TMEFF1: variants seen among roughly 807,000 people sequenced by gnomAD.
TMEFF1 encodes the protein transmembrane protein with EGF like and two follistatin like domains 1, also known as tomoregulin-1.
A neutral mutation model predicts 47.5 loss-of-function variants in TMEFF1; 20 were observed. The ratio of observed to expected loss-of-function variants is 0.42; its 90% CI spans 0.30 to 0.61. TMEFF1 has a LOEUF of 0.61. Ranked by LOEUF, TMEFF1 falls within the 20% of genes least tolerant of loss-of-function variation. The pLI, the probability that TMEFF1 is intolerant of heterozygous loss-of-function variation, is 0.19. For missense variants in TMEFF1, 411 were observed against 471.1 expected, an observed-to-expected ratio of 0.87 and a Z score of 1.18; for synonymous variants, 162 against 166.3, an observed-to-expected ratio of 0.97 and a Z score of 0.20.
chr9:100,566,678 A>G lies in TMEFF1; in HGVS notation c.899+5158A>G, dbSNP rs566679640. ...ACAGTCCATAATCAAAACAGCAGAC[A>G]GTGAGTGCCCCCGCCTTTTTTCTTT... On this transcript the variant is annotated intron_variant, in intron 8 of 9. Coordinates refer to ENST00000374879, the MANE Select transcript of TMEFF1 (RefSeq NM_003692.5). Among the ~76,000 whole-genome samples, 5 of 152,168 alleles carry G rather than the reference A, an allele frequency of 3.3e-5. 1 individual carries two copies. In the South Asian group the frequency reaches 8.3e-4, roughly 25 times the overall value.
intron 5 of TMEFF1, among the ~76,000 whole-genome samples, chr9:100,538,609 T>G (rs749324797): frequency 6.6e-6 from 1 of 152,260 alleles, no homozygotes; most frequent in Non-Finnish European, 1.5e-5. Flanking sequence ...GATAGGTCCC[T>G]TAATGATCTA....
chr9:100,509,633 G>A (rs1052331212), intron 3 of TMEFF1, among the ~76,000 whole-genome samples: 12 of 152,246 alleles, frequency 7.9e-5, no homozygotes, highest in Admixed American at 6.5e-4. Flanking sequence ...AATTAGCTGG[G>A]TGTGGTGGCG....
At chr9:100,560,589 T>C (rs1291485409) in intron 7 of TMEFF1, among the ~76,000 whole-genome samples, 2 of 152,266 alleles carry the variant, frequency 1.3e-5, no homozygotes, top group East Asian at 3.9e-4. Flanking sequence ...AATGAGTGAA[T>C]GAATCTGATT....
intron 5 of TMEFF1, among the ~76,000 whole-genome samples, chr9:100,535,006 C>T (rs1380655167): frequency 6.6e-6 from 1 of 152,164 alleles, no homozygotes; most frequent in Non-Finnish European, 1.5e-5. Flanking sequence ...TGGTCTTCAC[C>T]ATACCTAACC....
chr9:100,557,808 T>C (rs2118536988), intron 7 of TMEFF1, among the ~76,000 whole-genome samples: 1 of 151,862 alleles, frequency 6.6e-6, no homozygotes, highest in South Asian at 2.1e-4. Context: ...TATAAGCTTC[T>C]TGAGGGCAAG....
Position 100,516,726 on chromosome 9 carries a change from C to G in TMEFF1, c.515C>G (p.Pro172Arg), listed in dbSNP as rs1838080901. Reference sequence around the variant, plus strand: ...CACAGAAAACACTCCAAGTGTGGACCCTGCAAATATAAAGCTGAGTGTGAT... The same window carrying G: ...CACAGAAAACACTCCAAGTGTGGACGCTGCAAATATAAAGCTGAGTGTGAT... ...EVHRKHSKCG[P>R]CKYKAECDED... is the part of the protein sequence containing the mutation. Residue 172 changes from proline (P) to arginine (R), a missense_variant, in exon 5 of 10, where the codon CCC becomes CGC. Coordinates refer to ENST00000374879, the MANE Select transcript of TMEFF1 (RefSeq NM_003692.5). 6.2e-7 allele frequency: 1 copy of G among 1,613,590 alleles called. No individual in the cohort carries two copies. The highest frequency in any genetic ancestry group is 1.1e-5 in the South Asian group (1 of 91,002).
intron 2 of TMEFF1, 52 bp from the exon 3 acceptor site, chr9:100,508,953 A>G: frequency 6.8e-7 from 1 of 1,469,534 alleles, no homozygotes. Context: ...TGTGAAATAA[A>G]CTATTAATAT....
At chr9:100,519,560 G>A (rs1345094493) in intron 5 of TMEFF1, among the ~76,000 whole-genome samples, 1 of 149,906 alleles carries the variant, frequency 6.7e-6, no homozygotes, top group Non-Finnish European at 1.5e-5. Context: ...CTTACCATCT[G>A]CCTCTTTCTA....
At chr9:100,567,888 G>A (rs1049720245) in intron 8 of TMEFF1, among the ~76,000 whole-genome samples, 3 of 152,170 alleles carry the variant, frequency 2.0e-5, no homozygotes, top group African/African-American at 7.2e-5. Flanking sequence ...CAATCATGGG[G>A]GAAGGCAAAG....
chr9:100,568,013 A>G (rs932353384), intron 8 of TMEFF1, among the ~76,000 whole-genome samples: 1 of 152,196 alleles, frequency 6.6e-6, no homozygotes, highest in African/African-American at 2.4e-5. Flanking sequence ...TCACAAGAAC[A>G]GTGCAGGAAA....
At chr9:100,518,501 C>T in intron 5 of TMEFF1, 3 of 985,354 alleles carry the variant, frequency 3.0e-6, no homozygotes, top group Non-Finnish European at 3.6e-6. Context: ...CTCTTACCAG[C>T]AGGCTAAGGA....
intron 9 of TMEFF1, among the ~76,000 whole-genome samples, chr9:100,573,724 A>G (rs1476998341): frequency 6.6e-6 from 1 of 152,228 alleles, no homozygotes; most frequent in Non-Finnish European, 1.5e-5. Context: ...AGTCTCAGCC[A>G]TCTGGAGCTG....
chr9:100,536,198 A>G (rs556362040), intron 5 of TMEFF1, among the ~76,000 whole-genome samples: 16 of 152,346 alleles, frequency 1.1e-4, no homozygotes, highest in African/African-American at 3.8e-4. Flanking sequence ...GTGTATATCA[A>G]GACCCTATTG....
chr9:100,563,246 C>T (rs1839057038), intron 8 of TMEFF1, among the ~76,000 whole-genome samples: 1 of 152,252 alleles, frequency 6.6e-6, no homozygotes, highest in South Asian at 2.1e-4. Context: ...AGCCATTGCT[C>T]CTGGCCCAGG....
intron 5 of TMEFF1, among the ~76,000 whole-genome samples, chr9:100,547,224 T>A (rs1838751115): frequency 1.3e-5 from 2 of 151,988 alleles, no homozygotes; most frequent in South Asian, 4.2e-4. Flanking sequence ...CTTTGTTTCC[T>A]AGGCTGGTCT....
intron 5 of TMEFF1, among the ~76,000 whole-genome samples, chr9:100,534,282 C>T (rs1240222632): frequency 6.6e-6 from 1 of 152,198 alleles, no homozygotes; most frequent in Admixed American, 6.5e-5. Flanking sequence ...ACACTGGTCT[C>T]AGCCCCTCAC....
At chr9:100,506,725 C>A (rs945542430) in intron 2 of TMEFF1, among the ~76,000 whole-genome samples, 2 of 147,638 alleles carry the variant, frequency 1.4e-5, no homozygotes, top group Non-Finnish European at 3.0e-5. Flanking sequence ...CGAGACCATG[C>A]CACTGCTCTC....
chr9:100,511,025 T>C (rs907181096), intron 3 of TMEFF1, among the ~76,000 whole-genome samples: 1 of 152,178 alleles, frequency 6.6e-6, no homozygotes, highest in African/African-American at 2.4e-5. Context: ...GTAGGTTACC[T>C]TCCGGAAGCA....
At chr9:100,513,554 A>G (rs1435209737) in intron 4 of TMEFF1, among the ~76,000 whole-genome samples, 1 of 152,084 alleles carries the variant, frequency 6.6e-6, no homozygotes, top group Non-Finnish European at 1.5e-5. Flanking sequence ...CTCTTAGAAC[A>G]TTTTAATAAC....
Sources: gnomAD v4.1 joint callset for allele counts (sites outside exome capture counted in the v4.1 genomes callset) on GRCh38, gnomAD v4.1.1 for gene constraint, MANE v1.5 for transcripts, NCBI Gene and HGNC (gene_info 2026-07-23, HGNC 2026-07-21) for gene names.